The following PTPRN2 variants were observed in gnomAD, a reference collection of about 807,000 sequenced individuals.
PTPRN2 encodes the protein protein tyrosine phosphatase receptor type N2.
In PTPRN2, 74 loss-of-function variants were observed where a neutral mutation model predicts 118.8. The observed-to-expected ratio is 0.62, with a 90% CI of 0.52 to 0.76. The LOEUF is 0.76. Among genes scored for constraint, PTPRN2 ranks in the 30% least tolerant of loss-of-function variants. The pLI is 0.00. For missense variants in PTPRN2, 1,481 were observed against 1,394.4 expected (o/e 1.06, Z -0.99); for synonymous variants, 641 against 608.0 (o/e 1.05, Z -0.80).
chr7:158,018,947 G>A (rs992413220), intron 11 of PTPRN2, among the ~76,000 whole-genome samples: 7 of 142,720 alleles, frequency 4.9e-5, no homozygotes, highest in African/African-American at 1.6e-4. Context: ...CAGACAAGAG[G>A]GAGACTTTGT....
At chr7:157,957,279 G>A (rs1200992039) in intron 11 of PTPRN2, among the ~76,000 whole-genome samples, 6 of 152,142 alleles carry the variant, frequency 3.9e-5, no homozygotes, top group African/African-American at 7.2e-5. Flanking sequence ...CAGCAACAGT[G>A]CATCCTAACT....
chr7:157,676,722 T>C lies in PTPRN2; in HGVS notation c.2001+6003A>G, dbSNP rs779124462. Among the ~76,000 whole-genome samples, 2 of 152,186 alleles carry C rather than the reference T, an allele frequency of 1.3e-5. No homozygotes were observed. The highest frequency in any genetic ancestry group is 2.1e-4 in the South Asian group (1 of 4,828). On this transcript the variant is annotated intron_variant, in intron 13 of 22. Transcript: ENST00000389418. The surrounding 1 kb of genome is among the most constrained non-coding windows in gnomAD (Gnocchi z 5.6). ...CCCCTTGTAAAACAGGGTTGGGAGA[T>C]AATGAGATGCCTGGGGAAGGTGTCC...
At chr7:158,160,392 C>G (rs1198870310) in intron 6 of PTPRN2, among the ~76,000 whole-genome samples, 1 of 152,098 alleles carries the variant, frequency 6.6e-6, no homozygotes, top group African/African-American at 2.4e-5. Flanking sequence ...CTTCTGCTGC[C>G]CTGGACATCA....
Position 158,146,988 on chromosome 7 carries a change from C to A in PTPRN2, c.911-8473G>T, listed in dbSNP as rs370995871. On this transcript the variant is annotated intron_variant, in intron 6 of 22. Coordinates refer to ENST00000389418, the MANE Select transcript of PTPRN2 (RefSeq NM_002847.5). The stretch of plus-strand genomic sequence containing the variant: ...CATCTCACGCCACGTGTCTTTCCCC[C>A]TCAATGACACCCCATCTCACGCCAC... Among the ~76,000 whole-genome samples, 9 of 78,618 alleles carry A rather than the reference C, an allele frequency of 1.1e-4. No individual in the cohort carries two copies. In the Admixed American group the frequency reaches 1.2e-3, roughly 10 times the overall value. The allele number at this position is 78,618 out of a possible 152,430, so 51.6% of individuals were successfully genotyped here. A position where few individuals can be genotyped will look rare whatever the true frequency, so the allele number is the denominator to read the frequency against.
intron 14 of PTPRN2, among the ~76,000 whole-genome samples, chr7:157,646,140 C>T (rs529623413): frequency 1.3e-5 from 2 of 152,312 alleles, no homozygotes; most frequent in African/African-American, 4.8e-5. Flanking sequence ...GGCGCTGCCT[C>T]CGCATGGCCT....
In PTPRN2 at chr7:158,334,028, A is replaced by AAT. The variant is rs1471391922; in HGVS notation, c.164-17097_164-17096insAT. On this transcript the variant is annotated intron_variant, in intron 2 of 22. Transcript: ENST00000389418. ...ACTCACACACACACGCGTCACTCAC[A>AAT]CTCACACTCTAGCCATAAGAGCTGA... Among the ~76,000 whole-genome samples the AAT allele has an allele frequency of 3.0e-3, 35 of 11,708 alleles. 8 individuals carry two copies. Among genetic ancestry groups the AAT allele is most frequent in the Non-Finnish European group, 4.0e-3 (18 of 4,494 alleles). 7.7% of individuals were successfully genotyped at this position (11,708 alleles called of 152,430 possible). A position where few individuals can be genotyped will look rare whatever the true frequency, so the allele number is the denominator to read the frequency against.
intron 14 of PTPRN2, among the ~76,000 whole-genome samples, chr7:157,640,298 CATGG>C (rs1804595201): frequency 6.6e-6 from 1 of 152,166 alleles, no homozygotes; most frequent in South Asian, 2.1e-4. Flanking sequence ...AACTACAATG[CATGG>C]ATTACAGGTT....
At chr7:157,602,065 C>CA (rs1173436440) in intron 16 of PTPRN2, among the ~76,000 whole-genome samples, 1 of 152,228 alleles carries the variant, frequency 6.6e-6, no homozygotes, top group Non-Finnish European at 1.5e-5. Context: ...ATGTGCATCA[C>CA]ATCTTATTAA....
At chr7:158,577,242 A>G (rs1245723597) in intron 1 of PTPRN2, among the ~76,000 whole-genome samples, 3 of 76,258 alleles carry the variant, frequency 3.9e-5, no homozygotes, top group Admixed American at 1.4e-4. Flanking sequence ...AGCCCTCCTG[A>G]ATGCCACAGA....
rs1803629874 is a variant in PTPRN2, at chr7:157,627,065, T to G, written c.2197-5556A>C. ...TCTCTACAAGTCTCCTCCACAACTC[T>G]TCTCCTTTTTTCACATCTCCCTCAT... On this transcript the variant is annotated intron_variant, in intron 14 of 22. Coordinates refer to ENST00000389418, the MANE Select transcript of PTPRN2 (RefSeq NM_002847.5). The surrounding 1 kb of genome is among the most constrained non-coding windows in gnomAD (Gnocchi z 4.2). Among the ~76,000 whole-genome samples the G allele has an allele frequency of 6.6e-6, 1 of 152,222 alleles. No individual in the cohort carries two copies. Among genetic ancestry groups the G allele is most frequent in the Admixed American group, 6.5e-5 (1 of 15,288 alleles).
intron 6 of PTPRN2, among the ~76,000 whole-genome samples, chr7:158,152,319 A>T (rs998555642): frequency 6.6e-6 from 1 of 152,182 alleles, no homozygotes; most frequent in Admixed American, 6.5e-5. Flanking sequence ...TGAGAAGGTG[A>T]AGTTTCAGCA....
intron 3 of PTPRN2, among the ~76,000 whole-genome samples, chr7:158,301,272 C>T (rs748416572): frequency 6.6e-5 from 10 of 152,200 alleles, no homozygotes; most frequent in Admixed American, 2.0e-4. Context: ...TGAACACAGA[C>T]GAACCACGAC....
chr7:157,790,184 GGTGT>G (rs113638178), intron 12 of PTPRN2, among the ~76,000 whole-genome samples: 1 of 143,288 alleles, frequency 7.0e-6, no homozygotes, highest in Non-Finnish European at 1.5e-5. Flanking sequence ...TGTGTATGGT[GGTGT>G]GTGTGTGTGG....
At chr7:157,584,319 C>CT (rs1188111188) in intron 17 of PTPRN2, among the ~76,000 whole-genome samples, 1 of 152,166 alleles carries the variant, frequency 6.6e-6, no homozygotes, top group Non-Finnish European at 1.5e-5. Flanking sequence ...ACTATCATCT[C>CT]TTTAAAGACT....
chr7:158,308,560 G>T (rs1801469291), intron 3 of PTPRN2, among the ~76,000 whole-genome samples: 2 of 151,992 alleles, frequency 1.3e-5, no homozygotes, highest in African/African-American at 4.8e-5. Flanking sequence ...AATCTATAAA[G>T]ATATAATTTT....
At chr7:158,459,768 G>T (rs1818833887) in intron 2 of PTPRN2, among the ~76,000 whole-genome samples, 1 of 152,102 alleles carries the variant, frequency 6.6e-6, no homozygotes. Context: ...ACAGTCTCCA[G>T]GATGGGGCCC....
At chr7:158,178,579 C>T (rs1435104152) in intron 5 of PTPRN2, among the ~76,000 whole-genome samples, 1 of 129,102 alleles carries the variant, frequency 7.7e-6, no homozygotes, top group African/African-American at 2.9e-5. Flanking sequence ...ATATATACTA[C>T]ATTTTCTTTC....
At position 157,971,180 on chromosome 7, in the gene PTPRN2, G is replaced by A. The variant is rs1802306026; in HGVS notation, c.1724-72443C>T. ...CTTACCCCTGAGTATCCAACTCAGA[G>A]CTTTGTACATACTAAATATTTGTAC... On this transcript the variant is annotated intron_variant, in intron 11 of 22. Coordinates refer to ENST00000389418, the MANE Select transcript of PTPRN2 (RefSeq NM_002847.5). Among the ~76,000 whole-genome samples, 3 of 152,192 alleles carry A rather than the reference G, an allele frequency of 2.0e-5. No homozygotes were observed. The South Asian group carries it at 6.2e-4, about 32-fold the overall frequency.
intron 2 of PTPRN2, among the ~76,000 whole-genome samples, chr7:158,469,393 G>C (rs1819677586): frequency 6.6e-6 from 1 of 152,168 alleles, no homozygotes; most frequent in Non-Finnish European, 1.5e-5. Flanking sequence ...AGTGAGCCAA[G>C]ATAGCACCAC....
Sources: allele counts gnomAD v4.1 joint callset (sites outside exome capture counted in the v4.1 genomes callset), GRCh38; gene constraint gnomAD v4.1.1; non-coding constraint Gnocchi (gnomAD v3.1); transcripts MANE v1.5; gene names NCBI Gene and HGNC (gene_info 2026-07-23, HGNC 2026-07-21).